CAPN14: variants seen among roughly 807,000 people sequenced by gnomAD.
The protein encoded by CAPN14 is calpain-14.
Under a neutral mutation model 101.3 loss-of-function variants are expected in CAPN14, and 94 were observed. The ratio of observed to expected loss-of-function variants is 0.93; its 90% confidence interval spans 0.79 to 1.10. The LOEUF (loss-of-function observed/expected upper bound fraction) is 1.10. Ranked by LOEUF, CAPN14 falls within the 50% of genes least tolerant of loss-of-function variation. The probability of loss-of-function intolerance (pLI) is 0.00; values close to 1 mark genes in which losing one functional copy is unlikely to be tolerated. For synonymous variants in CAPN14, 338 were observed against 317.9 expected (o/e 1.06, Z -0.67); for missense variants, 837 against 828.4 (o/e 1.01, Z -0.13).
chr2:31,233,933 G>A (rs1683269640), upstream of CAPN14: 1 of 152,728 alleles, frequency 6.5e-6, no homozygotes, highest in Middle Eastern at 3.3e-3. Flanking sequence ...CGGAGACTGA[G>A]ACACCGGCAC....
intron 1 of CAPN14, among the ~76,000 whole-genome samples, chr2:31,212,981 T>C (rs1397149609): frequency 6.6e-6 from 1 of 152,230 alleles, no homozygotes; most frequent in South Asian, 2.1e-4. Flanking sequence ...TCTGTCTACA[T>C]GATAAAAAGC....
chr2:31,175,530 C>T lies in CAPN14; in HGVS notation c.2029-823G>A, dbSNP rs572762606. Among the ~76,000 whole-genome samples, 13 of 152,310 alleles carry T rather than the reference C, an allele frequency of 8.5e-5. No homozygotes were observed. The East Asian group carries it at 2.5e-3, about 29-fold the overall frequency. ...GGTGCCACATTTGTGTTGTCCTATT[C>T]TCCTAGACCTGAGCCAGCCACTGTG... On this transcript the variant is annotated intron_variant, in intron 21 of 21. Transcript: ENST00000403897.
chr2:31,224,293 A>G (rs1259727264), intron 2 of CAPN14, among the ~76,000 whole-genome samples: 1 of 152,144 alleles, frequency 6.6e-6, no homozygotes, highest in Non-Finnish European at 1.5e-5. Flanking sequence ...TTTACATATG[A>G]AGGCTTCTAT....
At position 31,205,494 on chromosome 2, in the gene CAPN14, C is replaced by A; in HGVS notation, c.-47G>T. 1 of 1,442,134 alleles carries A rather than the reference C, an allele frequency of 6.9e-7. No individual in the cohort carries two copies. The highest frequency in any genetic ancestry group is 2.0e-5 in the Admixed American group (1 of 50,766). The allele number at this position is 1,442,134 out of a possible 1,614,324, so 89.3% of individuals were successfully genotyped here. On this transcript the variant is annotated 5_prime_UTR_variant, in exon 2 of 22. Coordinates refer to ENST00000403897, the MANE Select transcript of CAPN14 (RefSeq NM_001145122.2). ...AGTGAGTCTTCCTGAGGAGTCTCTG[C>A]TGCTCCTGAAATGGAGAGAGGACGG...
At chr2:31,178,622 T>G (rs189065519) in intron 17 of CAPN14, 43 bp from the exon 18 acceptor site, 1 of 1,359,968 alleles carries the variant, frequency 7.4e-7, no homozygotes, top group East Asian at 2.6e-5. Context: ...GAGAGTTCTA[T>G]CCATGCTTTG....
upstream of CAPN14, chr2:31,217,679 C>T (rs770873340): frequency 3.3e-5 from 5 of 152,296 alleles, no homozygotes; most frequent in Non-Finnish European, 7.3e-5. Context: ...TACACAAATC[C>T]AATTATTTCT....
chr2:31,177,055 T>A lies in CAPN14; in HGVS notation c.1943A>T (p.His648Leu). The change falls in exon 20 of 22, where the codon CAC (histidine) becomes CTC (leucine). Residue 648 changes from histidine (H) to leucine (L), a missense_variant. His to Leu is a moderately conservative substitution (Grantham distance 99, BLOSUM62 -3). Transcript: ENST00000403897. ...CATGTTCTCTACACGCAGCATCAAG[T>A]GGATGAAACTGACAAAGTCCATCTG... ...RLQMDFVSFIHLMLRVENMED... is the reference protein window; with the variant it reads ...RLQMDFVSFILLMLRVENMED... 1.9e-6 allele frequency: 3 copies of A among 1,551,504 alleles called. No individual in the cohort carries two copies. The highest frequency in any genetic ancestry group is 2.6e-6 in the Non-Finnish European group (3 of 1,146,854).
At position 31,200,460 on chromosome 2, in the gene CAPN14, G is replaced by A. The variant is rs1184056989; in HGVS notation, c.717C>T (p.Thr239=). The A allele has an allele frequency of 2.6e-6, 4 of 1,549,306 alleles. No homozygotes were observed. Among genetic ancestry groups the A allele is most frequent in the Non-Finnish European group, 3.5e-6 (4 of 1,146,582 alleles). ...GGCAGCCCAGTCTCACCCCTGAGTG[G>A]GTCTGGCAGCCAATGAGGGTTCTGT... The part of the protein sequence containing the change: ...TYNRTLIGCQ[T]HSGEKILENG... The change falls in exon 6 of 22, where the codon ACC becomes ACT. Residue 239 remains threonine (T), a synonymous_variant. Coordinates refer to ENST00000403897, the MANE Select transcript of CAPN14 (RefSeq NM_001145122.2).
intron 1 of CAPN14, among the ~76,000 whole-genome samples, chr2:31,217,201 T>A (rs761351995): frequency 1.8e-4 from 28 of 152,054 alleles, no homozygotes; most frequent in Non-Finnish European, 3.8e-4. Flanking sequence ...GATACTCCCA[T>A]CTTTTTTTTT....
rs1680152967 is a variant in CAPN14 at position 31,173,590 on chromosome 2, A to G, written c.*1091T>C. 1 of 152,226 alleles carries G rather than the reference A, an allele frequency of 6.6e-6. No homozygotes were observed. The highest frequency in any genetic ancestry group is 1.5e-5 in the Non-Finnish European group (1 of 68,040). 9.4% of individuals were successfully genotyped at this position (152,226 alleles called of 1,614,324 possible). ...TTGTCAGTTGAACACCTCAAACCCA[A>G]AAATTCAAAATCCAAAATGCCCCTA... On this transcript the variant is annotated 3_prime_UTR_variant, in exon 22 of 22. Coordinates refer to ENST00000403897, the MANE Select transcript of CAPN14 (RefSeq NM_001145122.2).
Position 31,193,249 on chromosome 2 carries a change from G to A in CAPN14, c.996C>T (p.Ile332=), listed in dbSNP as rs774458548. Reference sequence around the variant, plus strand: ...TCAACAGGCCTGGGGTCAGTTTACAGATAACCAGGAGCACGAAATGTGTTT... The same window carrying A: ...TCAACAGGCCTGGGGTCAGTTTACAAATAACCAGGAGCACGAAATGTGTTT... ...DFKTHFVLLV[I]CKLTPGLLSQ... The change falls in exon 10 of 22, where the codon ATC becomes ATT. Residue 332 remains isoleucine (I), a synonymous_variant. Transcript: ENST00000403897. 28 of 1,551,706 alleles carry A rather than the reference G, an allele frequency of 1.8e-5. No homozygotes were observed. The highest frequency in any genetic ancestry group is 2.3e-5 in the Non-Finnish European group (26 of 1,147,032).
chr2:31,190,380 T>C (rs1012543897), intron 12 of CAPN14, among the ~76,000 whole-genome samples: 4 of 152,152 alleles, frequency 2.6e-5, no homozygotes, highest in African/African-American at 4.8e-5. Context: ...CCTGATGAGG[T>C]AGGCATTTTT....
At position 31,206,366 on chromosome 2, in the gene CAPN14, G is replaced by A. The variant is rs72786904; in HGVS notation, c.-52-867C>T. 4.0e-3 allele frequency among the ~76,000 whole-genome samples: 606 copies of A among 152,258 alleles called. 4 individuals carry two copies. The highest frequency in any genetic ancestry group is 0.017 in the Admixed American group (261 of 15,296). On this transcript the variant is annotated intron_variant, in intron 1 of 21. Transcript: ENST00000403897. Reference sequence around the variant, plus strand: ...GGCTCTGGCAGGGCTGCAGGTTGGCGTGGGCGAGCCGGCAGTGCATCAGAT... The same window carrying A: ...GGCTCTGGCAGGGCTGCAGGTTGGCATGGGCGAGCCGGCAGTGCATCAGAT...
intron 1 of CAPN14, among the ~76,000 whole-genome samples, chr2:31,209,433 G>A (rs1022922074): frequency 2.6e-5 from 4 of 152,086 alleles, no homozygotes; most frequent in Non-Finnish European, 4.4e-5. Flanking sequence ...GATAACCTAA[G>A]TGCCTTGATC....
At chr2:31,217,117 G>C (rs1407181361) in intron 1 of CAPN14, among the ~76,000 whole-genome samples, 1 of 152,130 alleles carries the variant, frequency 6.6e-6, no homozygotes, top group Non-Finnish European at 1.5e-5. Flanking sequence ...GCACCTAGCA[G>C]CATCAGTAAC....
At chr2:31,206,021 A>ATTCTT (rs1682059792) in intron 1 of CAPN14, among the ~76,000 whole-genome samples, 1 of 108,752 alleles carries the variant, frequency 9.2e-6, no homozygotes, top group Non-Finnish European at 2.0e-5. Flanking sequence ...CATTATCTTT[A>ATTCTT]TTTTTTTTAT....
chr2:31,174,600 G>A lies in CAPN14; in HGVS notation c.*81C>T. The A allele has an allele frequency of 7.1e-7, 1 of 1,405,426 alleles. No individual in the cohort carries two copies. The highest frequency in any genetic ancestry group is 9.8e-7 in the Non-Finnish European group (1 of 1,015,780). The allele number at this position is 1,405,426 out of a possible 1,614,324, so 87.1% of individuals were successfully genotyped here. A position where few individuals can be genotyped will look rare whatever the true frequency, so the allele number is the denominator to read the frequency against. On this transcript the variant is annotated 3_prime_UTR_variant, in exon 22 of 22. Transcript: ENST00000403897. ...TGTCCTGAAGATCAGTAAGTAGGGT[G>A]GGCATGGGTTGGTCTCAGCCAAAGG...
At chr2:31,189,687 G>A in intron 12 of CAPN14, 1 of 671,068 alleles carries the variant, frequency 1.5e-6, no homozygotes, top group Non-Finnish European at 2.7e-6. Flanking sequence ...ACCTATCAGG[G>A]GCTACATAAA....
At chr2:31,205,640 T>A (rs1682034355) in intron 1 of CAPN14, 141 bp from the exon 2 acceptor site, 2 of 618,728 alleles carry the variant, frequency 3.2e-6, no homozygotes, top group East Asian at 5.5e-5. Context: ...GGTTCGATTT[T>A]GTCCCAGAGA....
Sources: allele counts gnomAD v4.1 joint callset (sites outside exome capture counted in the v4.1 genomes callset), GRCh38; gene constraint gnomAD v4.1.1; transcripts MANE v1.5; gene names NCBI Gene and HGNC (gene_info 2026-07-23, HGNC 2026-07-21).